ERC2: variants seen among roughly 807,000 people sequenced by gnomAD.
ERC2 encodes the protein ELKS/RAB6-interacting/CAST family member 2.
ERC2 carries 42 observed loss-of-function variants against 114.8 expected under a neutral mutation model. That is an observed-to-expected ratio of 0.37 (90% confidence interval 0.29 to 0.47). The LOEUF (loss-of-function observed/expected upper bound fraction) is 0.47, where lower values mean the gene tolerates loss of function less well. Ranked by LOEUF, ERC2 falls within the 20% of genes least tolerant of loss-of-function variation. The pLI is 0.99. For missense variants in ERC2, 939 were observed against 1,150.7 expected (o/e 0.82, Z 2.66); for synonymous variants, 454 against 425.5 (o/e 1.07, Z -0.82).
At chr3:56,137,697 T>C (rs1200965679) in intron 6 of ERC2, among the ~76,000 whole-genome samples, 1 of 152,204 alleles carries the variant, frequency 6.6e-6, no homozygotes, top group African/African-American at 2.4e-5. Context: ...CCACAAGCCA[T>C]AGTTTTGGTT....
At chr3:56,221,364 T>C (rs909951644) in intron 3 of ERC2, among the ~76,000 whole-genome samples, 8 of 151,152 alleles carry the variant, frequency 5.3e-5, no homozygotes, top group Admixed American at 2.0e-4. Flanking sequence ...AGAGATATTA[T>C]TTCAGAGTCT....
chr3:55,713,214 A>G (rs572884620), intron 15 of ERC2, among the ~76,000 whole-genome samples: 186 of 151,606 alleles, frequency 1.2e-3, no homozygotes, highest in Middle Eastern at 6.8e-3. Flanking sequence ...CTTATTAAAA[A>G]AAAATTTTTT....
At chr3:55,759,626 TC>T (rs1302167367) in intron 14 of ERC2, among the ~76,000 whole-genome samples, 18 of 152,136 alleles carry the variant, frequency 1.2e-4, no homozygotes, top group Non-Finnish European at 2.4e-4. Context: ...ATTGTTTTTT[TC>T]TTCCCTTGCA....
intron 13 of ERC2, among the ~76,000 whole-genome samples, chr3:55,922,347 A>T (rs56007492): frequency 0.091 from 13,868 of 151,958 alleles, 949 homozygotes; most frequent in East Asian, 0.24. Context: ...TGAAAAAAAA[A>T]ATTGTCCTAA....
chr3:55,539,411 C>CTT (rs1559619170), intron 17 of ERC2, among the ~76,000 whole-genome samples: 2 of 49,060 alleles, frequency 4.1e-5, no homozygotes, highest in African/African-American at 1.2e-4. Flanking sequence ...CTCTTTTTTT[C>CTT]TTTCTTTTTT....
intron 17 of ERC2, among the ~76,000 whole-genome samples, chr3:55,557,523 C>A (rs72870439): frequency 6.6e-6 from 1 of 152,354 alleles, no homozygotes; most frequent in Admixed American, 6.5e-5. Context: ...CTTCTCCTGG[C>A]CACCCCTTGG....
At chr3:56,216,521 A>G (rs1280820618) in intron 3 of ERC2, among the ~76,000 whole-genome samples, 1 of 152,222 alleles carries the variant, frequency 6.6e-6, no homozygotes, top group Non-Finnish European at 1.5e-5. Flanking sequence ...AACCAAAAAC[A>G]GTCCAGAACC....
chr3:56,149,946 C>CTCT (rs2081331690), intron 4 of ERC2, among the ~76,000 whole-genome samples: 1 of 151,994 alleles, frequency 6.6e-6, no homozygotes, highest in South Asian at 2.1e-4. Flanking sequence ...GAAGAGAGAG[C>CTCT]TCTTATAGGG....
intron 6 of ERC2, among the ~76,000 whole-genome samples, chr3:56,097,063 C>G (rs1250156544): frequency 6.6e-6 from 1 of 152,194 alleles, no homozygotes; most frequent in African/African-American, 2.4e-5. Context: ...CAAGTTGGGA[C>G]TTCACATCAT....
intron 17 of ERC2, among the ~76,000 whole-genome samples, chr3:55,609,736 T>C (rs377466087): frequency 2.6e-5 from 4 of 152,106 alleles, no homozygotes; most frequent in Non-Finnish European, 5.9e-5. Flanking sequence ...TTTTGAGTTA[T>C]TTAAAGAACA....
chr3:55,658,061 T>A (rs1238540059), intron 17 of ERC2: 1 of 152,192 alleles, frequency 6.6e-6, no homozygotes, highest in Non-Finnish European at 1.5e-5. Flanking sequence ...TCATCTGGCC[T>A]CAAACTGACT....
intron 14 of ERC2, among the ~76,000 whole-genome samples, chr3:55,796,016 T>G (rs2070445944): frequency 6.6e-6 from 1 of 152,180 alleles, no homozygotes; most frequent in Non-Finnish European, 1.5e-5. Context: ...TTACATATTT[T>G]GAGAAGGGCT....
chr3:56,175,968 A>C (rs2082955481), intron 3 of ERC2, among the ~76,000 whole-genome samples: 1 of 152,182 alleles, frequency 6.6e-6, no homozygotes, highest in South Asian at 2.1e-4. Context: ...TCCAGTGCCA[A>C]CACAGCATTG....
intron 4 of ERC2, among the ~76,000 whole-genome samples, chr3:56,152,246 T>A (rs1390832454): frequency 6.6e-6 from 1 of 152,172 alleles, no homozygotes; most frequent in African/African-American, 2.4e-5. Context: ...ATATTCTATT[T>A]AATTTTATTT....
intron 1 of ERC2, among the ~76,000 whole-genome samples, chr3:56,463,287 C>G (rs2063399167): frequency 6.6e-6 from 1 of 152,180 alleles, no homozygotes; most frequent in Admixed American, 6.6e-5. Flanking sequence ...TAGTTGGCTG[C>G]TGCCCCTCCA....
At chr3:56,216,548 G>A (rs199632363) in intron 3 of ERC2, among the ~76,000 whole-genome samples, 3 of 152,226 alleles carry the variant, frequency 2.0e-5, no homozygotes, top group East Asian at 1.9e-4. Context: ...ATTCACAGCC[G>A]AATTCTACCA....
chr3:56,104,530 T>C (rs2078540148), intron 6 of ERC2, among the ~76,000 whole-genome samples: 1 of 152,196 alleles, frequency 6.6e-6, no homozygotes, highest in Non-Finnish European at 1.5e-5. Context: ...TAGCTGATGA[T>C]ATTTTGGGGC....
intron 17 of ERC2, among the ~76,000 whole-genome samples, chr3:55,652,493 T>C (rs942481927): frequency 1.6e-4 from 25 of 152,162 alleles, no homozygotes; most frequent in African/African-American, 6.0e-4. Flanking sequence ...TTCCTAACTC[T>C]ACTAACCACT....
chr3:56,292,892 C>T (rs77067808), intron 3 of ERC2, among the ~76,000 whole-genome samples: 3,694 of 152,242 alleles, frequency 0.024, 64 homozygotes, highest in Admixed American at 0.034. Context: ...GACAACCCAA[C>T]ATAAAATTAG....
Sources: allele counts gnomAD v4.1 joint callset (sites outside exome capture counted in the v4.1 genomes callset), GRCh38; gene constraint gnomAD v4.1.1; transcripts MANE v1.5; gene names NCBI Gene and HGNC (gene_info 2026-07-23, HGNC 2026-07-21).